NTRK3: variants seen among roughly 807,000 people sequenced by gnomAD.
The protein encoded by NTRK3 is neurotrophic receptor tyrosine kinase 3.
Under a neutral mutation model 91.7 loss-of-function variants are expected in NTRK3, and 24 were observed. The ratio of observed to expected loss-of-function variants is 0.26; its 90% CI spans 0.19 to 0.37. The LOEUF is 0.37. NTRK3 is among the 10% of genes least tolerant of loss of function. The pLI is 1.00. For missense variants in NTRK3, 880 were observed against 1,068.9 expected, an observed-to-expected ratio of 0.82 and a Z score of 2.46; for synonymous variants, 483 against 404.0, an observed-to-expected ratio of 1.20 and a Z score of -2.34.
chr15:88,199,022 C>T (rs1218409588), intron 3 of NTRK3, among the ~76,000 whole-genome samples: 1 of 152,130 alleles, frequency 6.6e-6, no homozygotes, highest in Non-Finnish European at 1.5e-5. Flanking sequence ...AGACAAGTAA[C>T]ACTTCATAGA....
In NTRK3 at chr15:88,084,968, C is replaced by A. The variant is rs145890285; in HGVS notation, c.1396+41303G>T. Among the ~76,000 whole-genome samples the A allele has an allele frequency of 3.5e-3, 531 of 152,270 alleles. 3 individuals are homozygous for A. The highest frequency in any genetic ancestry group is 0.012 in the African/African-American group (509 of 41,542). ...TGCATGTGCTGCACAGCTGGGATAA[C>A]CTATATATCAGGGACTGATTTGACT... On this transcript the variant is annotated intron_variant, in intron 13 of 18. Coordinates refer to ENST00000394480, the Ensembl canonical transcript of NTRK3.
rs1354170875 is a variant in NTRK3, at chr15:88,216,208, C to A, written c.249-31909G>T. ...TTGTAGCTCACTGGGGCAGGGAGGACAGGAGCAGTTGATCACTGACCTCAG... is the reference window on the plus strand; with the variant it reads ...TTGTAGCTCACTGGGGCAGGGAGGAAAGGAGCAGTTGATCACTGACCTCAG... On this transcript the variant is annotated intron_variant, in intron 3 of 18. Coordinates refer to ENST00000394480, the Ensembl canonical transcript of NTRK3. Among the ~76,000 whole-genome samples the A allele has an allele frequency of 2.6e-5, 4 of 152,106 alleles. No individual in the cohort carries two copies. The East Asian group carries it at 5.8e-4, about 22-fold the overall frequency.
chr15:87,912,925 AAAAAAAATATAT>A (rs1468494491), intron 17 of NTRK3, among the ~76,000 whole-genome samples: 27 of 32,882 alleles, frequency 8.2e-4, no homozygotes, highest in Middle Eastern at 0.012. Context: ...TCAAAAAGTA[AAAAAAAATATAT>A]ATATATATAT....
chr15:88,099,637 G>C (rs933133674), intron 13 of NTRK3, among the ~76,000 whole-genome samples: 1 of 152,098 alleles, frequency 6.6e-6, no homozygotes, highest in Non-Finnish European at 1.5e-5. Context: ...GGTGCTAGCC[G>C]GGTCTGCCAC....
chr15:87,912,937 T>A (rs1457946616), intron 17 of NTRK3, among the ~76,000 whole-genome samples: 4 of 23,610 alleles, frequency 1.7e-4, no homozygotes, highest in East Asian at 1.8e-3. Context: ...AAAAAATATA[T>A]ATATATATAT....
intron 5 of NTRK3, among the ~76,000 whole-genome samples, chr15:88,163,441 T>A (rs2044649312): frequency 6.6e-6 from 1 of 152,194 alleles, no homozygotes; most frequent in Admixed American, 6.5e-5. Context: ...TCCAGACCAC[T>A]GGTTTTCCCC....
intron 14 of NTRK3, among the ~76,000 whole-genome samples, chr15:88,026,734 G>A (rs1479249304): frequency 6.6e-6 from 1 of 152,114 alleles, no homozygotes; most frequent in Non-Finnish European, 1.5e-5. Context: ...TGACAGGTGG[G>A]GACTTAAAGG....
intron 5 of NTRK3, among the ~76,000 whole-genome samples, chr15:88,152,534 G>C (rs1319873440): frequency 6.6e-6 from 1 of 152,216 alleles, no homozygotes; most frequent in Non-Finnish European, 1.5e-5. Flanking sequence ...AGAAGCCTCA[G>C]AAGAAATGAG....
intron 13 of NTRK3, among the ~76,000 whole-genome samples, chr15:88,061,826 C>T (rs1266628927): frequency 1.3e-5 from 2 of 152,154 alleles, no homozygotes; most frequent in East Asian, 3.9e-4. Flanking sequence ...CAGAGCTGGG[C>T]TTGGGACTCA....
intron 14 of NTRK3, among the ~76,000 whole-genome samples, chr15:87,951,284 G>T (rs2071081796): frequency 6.6e-6 from 1 of 152,122 alleles, no homozygotes; most frequent in Non-Finnish European, 1.5e-5. Context: ...GGTGTCCTAG[G>T]ACCATCTCTG....
intron 9 of NTRK3, 70 bp downstream of exon 9, chr15:88,135,829 G>T: frequency 6.3e-7 from 1 of 1,584,702 alleles, no homozygotes. Flanking sequence ...ACAACACCTT[G>T]GCCCCTCTCC....
chr15:88,132,319 T>C (rs544802269), intron 10 of NTRK3, among the ~76,000 whole-genome samples: 1 of 152,382 alleles, frequency 6.6e-6, no homozygotes, highest in East Asian at 1.9e-4. Context: ...CGCACTGCTA[T>C]GCACTTGGCA....
At chr15:87,950,292 G>A (rs2070980948) in intron 14 of NTRK3, among the ~76,000 whole-genome samples, 1 of 152,206 alleles carries the variant, frequency 6.6e-6, no homozygotes, top group African/African-American at 2.4e-5. Context: ...ACCGTAGAAG[G>A]GGAGACCAGA....
chr15:87,941,506 T>C (rs1023107825), intron 14 of NTRK3, among the ~76,000 whole-genome samples: 9 of 150,384 alleles, frequency 6.0e-5, no homozygotes, highest in African/African-American at 9.8e-5. Flanking sequence ...CAAAGACACA[T>C]TGGTTTTTGT....
intron 14 of NTRK3, among the ~76,000 whole-genome samples, chr15:87,941,447 A>G (rs74801751): frequency 3.9e-4 from 58 of 150,182 alleles, no homozygotes; most frequent in African/African-American, 1.4e-3. Context: ...AAGACAAGAC[A>G]CACGCATGCA....
intron 17 of NTRK3, among the ~76,000 whole-genome samples, chr15:87,897,735 T>C (rs751630407): frequency 6.6e-6 from 1 of 152,186 alleles, no homozygotes; most frequent in Non-Finnish European, 1.5e-5. Flanking sequence ...TCAGACTTAT[T>C]TAGCCAAAAT....
chr15:87,952,888 C>T (rs916143337), intron 14 of NTRK3, among the ~76,000 whole-genome samples: 1 of 152,094 alleles, frequency 6.6e-6, no homozygotes, highest in Non-Finnish European at 1.5e-5. Flanking sequence ...CGCTCTGGCC[C>T]TCACCCTGTA....
chr15:87,943,866 G>T (rs975935470), intron 14 of NTRK3, among the ~76,000 whole-genome samples: 2 of 151,996 alleles, frequency 1.3e-5, no homozygotes, highest in Non-Finnish European at 2.9e-5. Flanking sequence ...GTAGCAGAGG[G>T]CAAGTGACCA....
At chr15:88,109,014 AAC>A (rs985656172) in intron 13 of NTRK3, among the ~76,000 whole-genome samples, 2 of 152,144 alleles carry the variant, frequency 1.3e-5, no homozygotes, top group African/African-American at 4.8e-5. Flanking sequence ...TTTCCAACCC[AAC>A]AGAGTGCCTG....
Sources: gnomAD v4.1 joint callset for allele counts (sites outside exome capture counted in the v4.1 genomes callset) on GRCh38, gnomAD v4.1.1 for gene constraint, MANE v1.5 for transcripts, NCBI Gene and HGNC (gene_info 2026-07-23, HGNC 2026-07-21) for gene names.